The following INTS7 variants were observed in gnomAD, a reference collection of about 807,000 sequenced individuals.
The protein encoded by INTS7 is chromosome 1 open reading frame 73.
INTS7 carries 46 observed loss-of-function variants against 109.2 expected under a neutral mutation model. The observed-to-expected ratio is 0.42, with a 90% CI of 0.33 to 0.54. The LOEUF (loss-of-function observed/expected upper bound fraction) is 0.54, where lower values mean the gene tolerates loss of function less well. Among genes scored for constraint, INTS7 ranks in the 20% least tolerant of loss-of-function variants. The pLI is 0.07. For synonymous variants in INTS7, 412 were observed against 402.9 expected, an observed-to-expected ratio of 1.02 and a Z score of -0.27; for missense variants, 929 against 1,132.4, an observed-to-expected ratio of 0.82 and a Z score of 2.58.
At chr1:212,018,863 T>G (rs535813119) in intron 3 of INTS7, among the ~76,000 whole-genome samples, 85 of 152,352 alleles carry the variant, frequency 5.6e-4, no homozygotes, top group Middle Eastern at 3.4e-3. Context: ...ACTATAATCA[T>G]CTATATACAT....
Position 211,941,925 on chromosome 1 carries a change from A to T in INTS7, c.2788T>A (p.Ser930Thr). 1 of 1,614,084 alleles carries T rather than the reference A, an allele frequency of 6.2e-7. No individual in the cohort carries two copies. Among genetic ancestry groups the T allele is most frequent in the Non-Finnish European group, 8.5e-7 (1 of 1,180,030 alleles). ...TGPRTTIFVK[S>T]LEDPYSQQIR... ...TGCTGGGAATAAGGGTCTTCCAGGGATTTTACAAATATGGTAGTTCTGGGA... is the reference window on the plus strand; with the variant it reads ...TGCTGGGAATAAGGGTCTTCCAGGGTTTTTACAAATATGGTAGTTCTGGGA... The change falls in exon 20 of 20, where the codon TCC becomes ACC. Residue 930 changes from serine (S) to threonine (T), a missense_variant. By Grantham distance (58) the Ser-to-Thr change is moderately conservative. Around this residue, in one of 2 missense-constraint regions of INTS7, gnomAD observed 787 missense variants for 901.1 expected, o/e 0.87. Coordinates refer to ENST00000366994, the MANE Select transcript of INTS7 (RefSeq NM_015434.4).
At chr1:211,962,260 T>TAAAAA (rs35134976) in intron 16 of INTS7, among the ~76,000 whole-genome samples, 340 of 79,204 alleles carry the variant, frequency 4.3e-3, no homozygotes, top group Middle Eastern at 0.02. Context: ...CAACAAAGAT[T>TAAAAA]AAAAAAAAAA....
In INTS7 at chr1:212,035,553, G is replaced by A. The variant is rs1667407224; in HGVS notation, c.-116C>T. ...TTTCTTCCGCGCGCTGTCAAGCCCT[G>A]TTACGCATGCGCCCTGGTCACCCCG... On this transcript the variant is annotated 5_prime_UTR_variant, in exon 1 of 20. Coordinates refer to ENST00000366994, the MANE Select transcript of INTS7 (RefSeq NM_015434.4). 1.2e-6 allele frequency: 1 copy of A among 825,792 alleles called. No homozygotes were observed. The highest frequency in any genetic ancestry group is 1.5e-5 in the South Asian group (1 of 67,690). 51.2% of individuals were successfully genotyped at this position (825,792 alleles called of 1,614,324 possible).
chr1:211,973,071 C>T (rs1226686883), intron 13 of INTS7, among the ~76,000 whole-genome samples: 1 of 152,198 alleles, frequency 6.6e-6, no homozygotes, highest in Admixed American at 6.5e-5. Flanking sequence ...CCACCTCAGC[C>T]TCCTGAGTAG....
rs754245842 is a variant in INTS7 at position 211,978,302 on chromosome 1, T to A, written c.1440A>T (p.Arg480=). ...DLMELYKVIG[R]SATDKQQELL... ...GTTCTTGTTGCTTGTCTGTGGCTGA[T>A]CGTCCAATCACCTTGTACAGCTCCA... The change falls in exon 11 of 20, where the codon CGA becomes CGT. Residue 480 remains arginine, a synonymous_variant. Transcript: ENST00000366994. 28 of 1,614,186 alleles carry A rather than the reference T, an allele frequency of 1.7e-5. No individual in the cohort carries two copies. Among genetic ancestry groups the A allele is most frequent in the Non-Finnish European group, 2.4e-5 (28 of 1,180,014 alleles).
intron 7 of INTS7, among the ~76,000 whole-genome samples, chr1:212,002,040 G>A (rs1367365689): frequency 6.6e-6 from 1 of 152,166 alleles, no homozygotes; most frequent in Admixed American, 6.5e-5. Flanking sequence ...ACATTTTACA[G>A]TTTATATACT....
chr1:211,956,786 G>C (rs1214833723), intron 16 of INTS7, among the ~76,000 whole-genome samples: 1 of 151,994 alleles, frequency 6.6e-6, no homozygotes, highest in Non-Finnish European at 1.5e-5. Context: ...TTATTACTTA[G>C]TATTTCATTT....
At chr1:212,011,654 C>T (rs921704190) in intron 4 of INTS7, 2 of 468,854 alleles carry the variant, frequency 4.3e-6, no homozygotes, top group Non-Finnish European at 7.7e-6. Flanking sequence ...TCACTTAGGC[C>T]ATTACCACAA....
intron 4 of INTS7, among the ~76,000 whole-genome samples, chr1:212,015,968 G>A (rs2102483643): frequency 6.6e-6 from 1 of 150,576 alleles, no homozygotes; most frequent in South Asian, 2.1e-4. Flanking sequence ...CATTATATAA[G>A]CTATTGGGGT....
At chr1:212,011,046 C>A (rs900219219) in intron 5 of INTS7, among the ~76,000 whole-genome samples, 2 of 152,040 alleles carry the variant, frequency 1.3e-5, no homozygotes, top group African/African-American at 4.8e-5. Flanking sequence ...ATAGATAAGT[C>A]CCTTCTCTCA....
chr1:212,031,876 TTATAAATA>T (rs1667180804), intron 1 of INTS7, among the ~76,000 whole-genome samples: 1 of 152,240 alleles, frequency 6.6e-6, no homozygotes, highest in South Asian at 2.1e-4. Flanking sequence ...AGTACAACAG[TTATAAATA>T]TATAACAGGT....
intron 3 of INTS7, among the ~76,000 whole-genome samples, chr1:212,018,503 TA>T (rs11423688): frequency 6.8e-6 from 1 of 146,572 alleles, no homozygotes. Context: ...ATCTTTTGAT[TA>T]AAAAAAAAAA....
chr1:212,019,219 C>G (rs771128923), intron 3 of INTS7, among the ~76,000 whole-genome samples: 10 of 152,058 alleles, frequency 6.6e-5, no homozygotes, highest in Non-Finnish European at 1.3e-4. Flanking sequence ...CCACTGCCCT[C>G]CAGCCTGGGT....
chr1:212,016,086 A>G (rs2102483864), intron 4 of INTS7, among the ~76,000 whole-genome samples: 1 of 152,330 alleles, frequency 6.6e-6, no homozygotes. Context: ...TTGTATGATC[A>G]TAATTTATCT....
intron 7 of INTS7, among the ~76,000 whole-genome samples, chr1:211,994,748 T>C (rs539128253): frequency 6.9e-6 from 1 of 145,510 alleles, no homozygotes; most frequent in Non-Finnish European, 1.5e-5. Flanking sequence ...AAATTCTTCA[T>C]GAAGAAACAA....
chr1:211,971,900 A>C (rs1275624042), intron 13 of INTS7, among the ~76,000 whole-genome samples: 1 of 140,648 alleles, frequency 7.1e-6, no homozygotes, highest in Non-Finnish European at 1.5e-5. Flanking sequence ...TGGTGACAAG[A>C]GTGAAACTCA....
intron 8 of INTS7, among the ~76,000 whole-genome samples, chr1:211,985,464 T>G (rs1322939110): frequency 6.6e-6 from 1 of 152,222 alleles, no homozygotes; most frequent in Non-Finnish European, 1.5e-5. Context: ...AAATATTATC[T>G]ATTTATTTAA....
chr1:211,960,407 C>T (rs1206295876), intron 16 of INTS7, among the ~76,000 whole-genome samples: 1 of 152,088 alleles, frequency 6.6e-6, no homozygotes, highest in Non-Finnish European at 1.5e-5. Context: ...TGCCTTTTTT[C>T]TTCCGAATGA....
chr1:211,968,855 T>C (rs1418144252), intron 13 of INTS7, 148 bp from the exon 14 acceptor site: 2 of 560,856 alleles, frequency 3.6e-6, no homozygotes, highest in South Asian at 3.4e-5. Flanking sequence ...AAAAGAATAA[T>C]GTAATATTAG....
Sources: allele counts gnomAD v4.1 joint callset (sites outside exome capture counted in the v4.1 genomes callset), GRCh38; gene constraint gnomAD v4.1.1; regional missense constraint gnomAD v4.1.1; transcripts MANE v1.5; gene names NCBI Gene and HGNC (gene_info 2026-07-23, HGNC 2026-07-21).